Variants in MATK observed in about 807,000 individuals in gnomAD.
MATK encodes megakaryocyte-associated tyrosine kinase, also known as megakaryocyte-associated tyrosine-protein kinase.
In MATK, 41 loss-of-function variants were observed where a neutral mutation model predicts 59.8. That is an observed-to-expected ratio of 0.69 (90% CI 0.53 to 0.89). The LOEUF (loss-of-function observed/expected upper bound fraction) is 0.89, where lower values mean the gene tolerates loss of function less well. Ranked by LOEUF, MATK falls within the 40% of genes least tolerant of loss-of-function variation. The pLI is 0.00. For synonymous variants in MATK, 308 were observed against 306.1 expected, an observed-to-expected ratio of 1.01 and a Z score of -0.06; for missense variants, 593 against 719.6, an observed-to-expected ratio of 0.82 and a Z score of 2.01.
In MATK at chr19:3,785,055, G is replaced by T; in HGVS notation, c.72+9C>A. ...GCTCCCCAAGCCCCTGTGGGGAAGT[G>T]ATCTTTACCCGGGGAAGTTCCTCAG... On this transcript the variant is annotated intron_variant, in intron 2 of 13. Coordinates refer to ENST00000310132, the MANE Select transcript of MATK (RefSeq NM_139355.3). 1.2e-6 allele frequency: 2 copies of T among 1,613,546 alleles called. No homozygotes were observed. The highest frequency in any genetic ancestry group is 1.6e-4 in the Middle Eastern group (1 of 6,062).
In MATK at chr19:3,783,118, TC is replaced by T. The variant is rs1244091450; in HGVS notation, c.676+7del. On this transcript the variant is annotated splice_region_variant and intron_variant, in intron 7 of 13. Transcript: ENST00000310132. ...GGAAGGGGGTCTGCCCTCCTGGGCG[TC>T]CCCTACCCCTGGCCAGCTCCTCCTC... The T allele has an allele frequency of 6.2e-7, 1 of 1,613,510 alleles. No homozygotes were observed. Among genetic ancestry groups the T allele is most frequent in the Non-Finnish European group, 8.5e-7 (1 of 1,179,784 alleles).
intron 1 of MATK, among the ~76,000 whole-genome samples, chr19:3,799,433 A>G (rs2037623918): frequency 6.6e-6 from 1 of 152,198 alleles, no homozygotes; most frequent in Non-Finnish European, 1.5e-5. Context: ...CTGATTGTCT[A>G]TGGAATAAAT....
chr19:3,797,614 C>T (rs17447618), intron 1 of MATK, among the ~76,000 whole-genome samples: 21,842 of 151,838 alleles, frequency 0.14, 1,890 homozygotes, highest in Admixed American at 0.29. Context: ...TCCAAGAGCT[C>T]TTTCTGGTTC....
chr19:3,790,519 C>T (rs2145110499), upstream of MATK, among the ~76,000 whole-genome samples: 1 of 152,320 alleles, frequency 6.6e-6, no homozygotes, highest in South Asian at 2.1e-4. Context: ...CATAGCTCCC[C>T]ACTGCCTGCA....
chr19:3,800,743 C>A (rs1185889994), intron 1 of MATK, among the ~76,000 whole-genome samples: 1 of 152,288 alleles, frequency 6.6e-6, no homozygotes, highest in East Asian at 1.9e-4. Context: ...TTTCCTTCTT[C>A]CATTTTTCTG....
chr19:3,796,011 C>G (rs2145116194), intron 1 of MATK, among the ~76,000 whole-genome samples: 1 of 151,224 alleles, frequency 6.6e-6, no homozygotes, highest in East Asian at 2.0e-4. Flanking sequence ...ATCTGCTTGC[C>G]TCGGCCTCCC....
At chr19:3,789,721 C>CTTT (rs34795629), upstream of MATK, among the ~76,000 whole-genome samples, 36 of 86,536 alleles carry the variant, frequency 4.2e-4, 1 homozygote, top group African/African-American at 1.2e-3. Context: ...GGCAACTTTG[C>CTTT]TTTTTTTTTT....
At chr19:3,795,276 C>CT (rs35580481) in intron 1 of MATK, among the ~76,000 whole-genome samples, 2,531 of 127,816 alleles carry the variant, frequency 0.02, 73 homozygotes, top group African/African-American at 0.061. Context: ...CAAGCCTGGC[C>CT]TTTTTTTTTT....
chr19:3,797,077 G>T (rs1425085386), intron 1 of MATK, among the ~76,000 whole-genome samples: 1 of 152,032 alleles, frequency 6.6e-6, no homozygotes, highest in African/African-American at 2.4e-5. Context: ...TGAGTACTTG[G>T]TGGGCTCTTT....
At chr19:3,785,434 C>CA (rs978292057) in intron 1 of MATK, 148 bp from the exon 2 acceptor site, 19 of 516,684 alleles carry the variant, frequency 3.7e-5, no homozygotes, top group Admixed American at 6.6e-5. Flanking sequence ...CTCTCTGATC[C>CA]CCCCCCAAAC....
chr19:3,794,448 A>G (rs116487920), intron 1 of MATK, among the ~76,000 whole-genome samples: 170 of 152,190 alleles, frequency 1.1e-3, no homozygotes, highest in African/African-American at 4.0e-3. Context: ...GAGCCCTGCC[A>G]TTGGAGACCA....
upstream of MATK, chr19:3,786,496 C>A (rs2037487362): frequency 1.4e-6 from 1 of 702,082 alleles, no homozygotes; most frequent in African/African-American, 1.9e-5. The surrounding 1 kb of genome is among the most constrained non-coding windows in gnomAD (Gnocchi z 4.1). Context: ...GGGCTCCACG[C>A]CTGGCCCTGA....
intron 1 of MATK, among the ~76,000 whole-genome samples, chr19:3,792,510 C>CTTTTTT (rs140778999): frequency 1.2e-4 from 12 of 99,740 alleles, no homozygotes; most frequent in East Asian, 3.0e-4. Context: ...ATTTCCAACT[C>CTTTTTT]TTTTTTTTTT....
At chr19:3,780,268 A>G (rs2037380988) in intron 8 of MATK, among the ~76,000 whole-genome samples, 1 of 152,042 alleles carries the variant, frequency 6.6e-6, no homozygotes, top group South Asian at 2.1e-4. Flanking sequence ...TGACAGAGCG[A>G]AACTCCATCT....
At chr19:3,788,619 C>CAAAAAAAA (rs1171553701), upstream of MATK, among the ~76,000 whole-genome samples, 1 of 70,292 alleles carries the variant, frequency 1.4e-5, no homozygotes, top group African/African-American at 5.2e-5. Flanking sequence ...ACTCTGTCTC[C>CAAAAAAAA]AAAAAAAAAA....
rs1387650068 is a variant in MATK, at chr19:3,785,250, TGGGTGC to T, written c.-121_-116del. On this transcript the variant is annotated 5_prime_UTR_variant, in exon 2 of 14. Coordinates refer to ENST00000310132, the MANE Select transcript of MATK (RefSeq NM_139355.3). ...TCGGCTGGCACAGGAGGTAGGGAGC[TGGGTGC>T]CACTGGACCGAGCCTGGTTCTTCCT... 6.4e-7 allele frequency: 1 copy of T among 1,563,772 alleles called. No individual in the cohort carries two copies. Among genetic ancestry groups the T allele is most frequent in the Non-Finnish European group, 8.6e-7 (1 of 1,158,614 alleles).
chr19:3,791,343 T>TCC (rs768893923), upstream of MATK, among the ~76,000 whole-genome samples: 75 of 142,378 alleles, frequency 5.3e-4, no homozygotes, highest in Non-Finnish European at 9.1e-4. Context: ...TCTCTCCACC[T>TCC]CCCCCCACTT....
upstream of MATK, among the ~76,000 whole-genome samples, chr19:3,790,384 C>T (rs1347021981): frequency 6.6e-6 from 1 of 152,216 alleles, no homozygotes; most frequent in Admixed American, 6.5e-5. Context: ...AGGTCACCCT[C>T]CTGGTGCAGG....
At chr19:3,780,374 C>T (rs545073140) in intron 8 of MATK, among the ~76,000 whole-genome samples, 29 of 152,280 alleles carry the variant, frequency 1.9e-4, no homozygotes, top group Admixed American at 9.2e-4. Context: ...CTACCTATCA[C>T]CTCTTTTTGC....
Sources: gnomAD v4.1 joint callset for allele counts (sites outside exome capture counted in the v4.1 genomes callset) on GRCh38, gnomAD v4.1.1 for gene constraint, Gnocchi (gnomAD v3.1) non-coding constraint, MANE v1.5 for transcripts, NCBI Gene and HGNC (gene_info 2026-07-23, HGNC 2026-07-21) for gene names.